TECPR2: variants seen among roughly 807,000 people sequenced by gnomAD.
TECPR2 encodes tectonin beta-propeller repeat containing 2.
A neutral mutation model predicts 138.1 loss-of-function variants in TECPR2; 65 were observed. The ratio of observed to expected loss-of-function variants is 0.47; its 90% CI spans 0.39 to 0.58. The LOEUF (loss-of-function observed/expected upper bound fraction) is 0.58. TECPR2 is among the 20% of genes least tolerant of loss of function. The probability of loss-of-function intolerance (pLI) is 0.00; values close to 1 mark genes in which losing one functional copy is unlikely to be tolerated. For missense variants in TECPR2, 1,553 were observed against 1,824.5 expected, an observed-to-expected ratio of 0.85 and a Z score of 2.71; for synonymous variants, 746 against 749.8, an observed-to-expected ratio of 0.99 and a Z score of 0.08.
At chr14:102,404,523 T>C (rs564991307) in intron 2 of TECPR2, among the ~76,000 whole-genome samples, 1 of 151,520 alleles carries the variant, frequency 6.6e-6, no homozygotes, top group African/African-American at 2.4e-5. Context: ...AAAATAGACA[T>C]AGAGACCGAT....
intron 14 of TECPR2, among the ~76,000 whole-genome samples, 194 bp downstream of exon 14, chr14:102,450,063 C>T (rs892569574): frequency 6.6e-6 from 1 of 152,174 alleles, no homozygotes; most frequent in Non-Finnish European, 1.5e-5. Context: ...TCCTAAAACT[C>T]GTATCCCTGT....
intron 5 of TECPR2, among the ~76,000 whole-genome samples, chr14:102,422,408 A>G (rs1392081478): frequency 1.3e-5 from 2 of 152,196 alleles, no homozygotes; most frequent in Non-Finnish European, 2.9e-5. Flanking sequence ...GACCTGCTCT[A>G]TGTCATTTCG....
intron 17 of TECPR2, among the ~76,000 whole-genome samples, chr14:102,485,010 G>A (rs116669537): frequency 6.6e-6 from 1 of 152,266 alleles, no homozygotes; most frequent in African/African-American, 2.4e-5. Flanking sequence ...GCTTGAGAAG[G>A]GAGTGAAAGA....
rs144167649 is a variant in TECPR2 at position 102,498,775 on chromosome 14, T to C, written c.*518T>C. ...AGACAAAGCTGCAGAGCACATTCCATGCCAGACGCTCTGGCCAGGAAGCTG... is the reference window on the plus strand; with the variant it reads ...AGACAAAGCTGCAGAGCACATTCCACGCCAGACGCTCTGGCCAGGAAGCTG... On this transcript the variant is annotated 3_prime_UTR_variant, in exon 20 of 20. Transcript: ENST00000359520. The C allele has an allele frequency of 1.1e-3, 576 of 502,588 alleles. 9 individuals are homozygous for C. In the East Asian group the frequency reaches 0.019, roughly 17 times the overall value. The allele number at this position is 502,588 out of a possible 1,614,324, so 31.1% of individuals were successfully genotyped here. A position where few individuals can be genotyped will look rare whatever the true frequency, so the allele number is the denominator to read the frequency against.
intron 16 of TECPR2, among the ~76,000 whole-genome samples, chr14:102,454,080 T>C (rs1890218374): frequency 6.6e-6 from 1 of 151,328 alleles, no homozygotes; most frequent in Admixed American, 6.6e-5. Context: ...TTGAACTTGG[T>C]AGGCAGAGGT....
At chr14:102,479,544 G>C (rs1377711886) in intron 17 of TECPR2, among the ~76,000 whole-genome samples, 2 of 152,184 alleles carry the variant, frequency 1.3e-5, no homozygotes, top group African/African-American at 4.8e-5. Context: ...GACCCAAATG[G>C]AGAAGGTCTG....
chr14:102,407,152 G>A (rs927364950), intron 2 of TECPR2, among the ~76,000 whole-genome samples, 186 bp from the exon 3 acceptor site: 10 of 152,262 alleles, frequency 6.6e-5, no homozygotes, highest in Admixed American at 2.6e-4. Flanking sequence ...GATCCACCAC[G>A]CCCAGCCCTG....
intron 5 of TECPR2, among the ~76,000 whole-genome samples, chr14:102,422,650 A>G (rs1345003185): frequency 1.3e-5 from 2 of 152,240 alleles, no homozygotes; most frequent in African/African-American, 4.8e-5. Context: ...TAGATATGTG[A>G]TTAAACCAAC....
chr14:102,454,852 A>G (rs928140170), intron 16 of TECPR2, among the ~76,000 whole-genome samples: 3 of 152,228 alleles, frequency 2.0e-5, no homozygotes, highest in African/African-American at 7.2e-5. Flanking sequence ...CAGCCCCTCC[A>G]GGAAGGCTGC....
rs1891386986 is a variant in TECPR2 at position 102,499,465 on chromosome 14, A to C, written c.*1208A>C. ...CTGAGCCTGCACTGTCCTCGCCTGC[A>C]GCCTCAGAGGGGCAGGCATCCCCGC... On this transcript the variant is annotated 3_prime_UTR_variant, in exon 20 of 20. Coordinates refer to ENST00000359520, the MANE Select transcript of TECPR2 (RefSeq NM_014844.5). 1 of 534,326 alleles carries C rather than the reference A, an allele frequency of 1.9e-6. No homozygotes were observed. Among genetic ancestry groups the C allele is most frequent in the Non-Finnish European group, 3.4e-6 (1 of 296,988 alleles). 33.1% of individuals were successfully genotyped at this position (534,326 alleles called of 1,614,324 possible).
chr14:102,412,123 CTTTTTTTTTTTT>C (rs751930335), intron 4 of TECPR2, among the ~76,000 whole-genome samples: 2 of 90,672 alleles, frequency 2.2e-5, no homozygotes, highest in East Asian at 2.8e-4. Context: ...AATGTTGACA[CTTTTTTTTTTTT>C]TTTTTTTTTT....
intron 17 of TECPR2, among the ~76,000 whole-genome samples, chr14:102,477,369 CAAA>C (rs919684497): frequency 2.1e-5 from 2 of 97,142 alleles, no homozygotes; most frequent in African/African-American, 3.9e-5. Flanking sequence ...GACTCCGTCT[CAAA>C]AAAAAAAAAA....
chr14:102,367,181 G>C (rs1472480370), intron 1 of TECPR2, among the ~76,000 whole-genome samples: 1 of 152,120 alleles, frequency 6.6e-6, no homozygotes. Context: ...GGAGTTTTGA[G>C]TAGAATGGGT....
chr14:102,424,693 CGA>C (rs1455275186), intron 5 of TECPR2, among the ~76,000 whole-genome samples: 1 of 152,098 alleles, frequency 6.6e-6, no homozygotes, highest in Non-Finnish European at 1.5e-5. Context: ...GGATTAGACA[CGA>C]GAGTGGGATC....
chr14:102,375,881 G>A (rs1217130213), intron 1 of TECPR2, among the ~76,000 whole-genome samples: 2 of 152,184 alleles, frequency 1.3e-5, no homozygotes, highest in East Asian at 1.9e-4. Context: ...CTAAAAGTTA[G>A]GGATGATGCT....
intron 1 of TECPR2, among the ~76,000 whole-genome samples, chr14:102,367,235 G>GT (rs1887366544): frequency 6.6e-6 from 1 of 152,080 alleles, no homozygotes; most frequent in Admixed American, 6.6e-5. Flanking sequence ...ATTTTCCTTT[G>GT]TTTTTTGGGG....
intron 18 of TECPR2, 103 bp downstream of exon 18, chr14:102,497,223 T>C: frequency 8.1e-6 from 12 of 1,483,646 alleles, no homozygotes; most frequent in South Asian, 5.3e-5. Flanking sequence ...AGGCAGCCTT[T>C]GTGCTGGGGC....
chr14:102,373,129 A>G (rs1185537409), intron 1 of TECPR2, among the ~76,000 whole-genome samples: 1 of 152,070 alleles, frequency 6.6e-6, no homozygotes, highest in African/African-American at 2.4e-5. Flanking sequence ...ATTCATGTCT[A>G]ATGTTTGGGG....
In TECPR2 at chr14:102,434,996, C is replaced by T. The variant is rs540017235; in HGVS notation, c.2179C>T (p.Pro727Ser). The change falls in exon 9 of 20, where the codon CCG becomes TCG. Residue 727 changes from proline to serine, a missense_variant. Physicochemically the swap from Pro to Ser is moderately conservative, Grantham distance 74. Coordinates refer to ENST00000359520, the MANE Select transcript of TECPR2 (RefSeq NM_014844.5). ...GGGGAGTGTGGGAGGACAGCTGACT[C>T]CGGTCTCTGCCTTGGCAGCCAGCAC... ...VLGSVGGQLT[P>S]VSALAASTHK... 10 of 1,614,122 alleles carry T rather than the reference C, an allele frequency of 6.2e-6. No individual in the cohort carries two copies. In the South Asian group the frequency reaches 8.8e-5, roughly 14 times the overall value.
Sources: allele counts gnomAD v4.1 joint callset (sites outside exome capture counted in the v4.1 genomes callset), GRCh38; gene constraint gnomAD v4.1.1; transcripts MANE v1.5; gene names NCBI Gene and HGNC (gene_info 2026-07-23, HGNC 2026-07-21).